The following GRXCR1 variants were observed in gnomAD, a reference collection of about 807,000 sequenced individuals.
GRXCR1 encodes the protein glutaredoxin and cysteine rich domain containing 1, also known as glutaredoxin domain-containing cysteine-rich protein 1.
Under a neutral mutation model 27.3 loss-of-function variants are expected in GRXCR1, and 27 were observed. That is an observed-to-expected ratio of 0.99 (90% CI 0.73 to 1.37). The LOEUF is 1.37. Ranked by LOEUF, GRXCR1 falls within the 40% of genes most tolerant of loss-of-function variation. GRXCR1 has a pLI of 0.00. For synonymous variants in GRXCR1, 122 were observed against 131.1 expected, an observed-to-expected ratio of 0.93 and a Z score of 0.47; for missense variants, 379 against 354.4, an observed-to-expected ratio of 1.07 and a Z score of -0.56.
rs1480966996 is a variant in GRXCR1 at position 42,893,004 on chromosome 4, C to A, written c.-263C>A. 2.6e-5 allele frequency among the ~76,000 whole-genome samples: 4 copies of A among 152,076 alleles called. No homozygotes were observed. Among genetic ancestry groups the A allele is most frequent in the Admixed American group, 6.6e-5 (1 of 15,244 alleles). On this transcript the variant is annotated 5_prime_UTR_variant, in exon 1 of 4. Transcript: ENST00000399770. ...TCTTGCACTTGTCCTGTTAAAGAGTCCACCATGGCTATTTAATATTTAAAG... is the reference window on the plus strand; with the variant it reads ...TCTTGCACTTGTCCTGTTAAAGAGTACACCATGGCTATTTAATATTTAAAG...
chr4:42,993,037 G>A (rs1385718365), intron 2 of GRXCR1, among the ~76,000 whole-genome samples: 2 of 151,968 alleles, frequency 1.3e-5, no homozygotes, highest in Non-Finnish European at 2.9e-5. Context: ...ATCTGAAATG[G>A]CAAATGCTGC....
chr4:43,004,303 G>A (rs1712478776), intron 2 of GRXCR1, among the ~76,000 whole-genome samples: 2 of 152,240 alleles, frequency 1.3e-5, no homozygotes, highest in Non-Finnish European at 2.9e-5. Flanking sequence ...GGATGTCCAG[G>A]CAGAAGTCTG....
At chr4:43,014,436 A>C (rs1712867207) in intron 2 of GRXCR1, among the ~76,000 whole-genome samples, 1 of 152,144 alleles carries the variant, frequency 6.6e-6, no homozygotes. Context: ...GCATCATGCT[A>C]GGTGCGGGTC....
At chr4:42,932,654 A>AGAGG (rs1747356165) in intron 1 of GRXCR1, among the ~76,000 whole-genome samples, 1 of 135,406 alleles carries the variant, frequency 7.4e-6, no homozygotes, top group Non-Finnish European at 1.6e-5. Flanking sequence ...AGAGAGAGAG[A>AGAGG]GAGAGAGAGA....
At chr4:42,917,812 A>G (rs1577904775) in intron 1 of GRXCR1, among the ~76,000 whole-genome samples, 1 of 152,058 alleles carries the variant, frequency 6.6e-6, no homozygotes, top group Admixed American at 6.6e-5. Context: ...AAATTAGACA[A>G]TTAAAGTGAG....
At chr4:42,935,752 T>A (rs916840604) in intron 1 of GRXCR1, among the ~76,000 whole-genome samples, 29 of 137,918 alleles carry the variant, frequency 2.1e-4, no homozygotes, top group African/African-American at 8.2e-4. Context: ...GATTTAAAAT[T>A]ATTTAGATTA....
chr4:42,989,787 C>T (rs930741371), intron 2 of GRXCR1, among the ~76,000 whole-genome samples: 6 of 152,156 alleles, frequency 3.9e-5, no homozygotes, highest in Admixed American at 6.5e-5. Flanking sequence ...TTTCTTCTTT[C>T]TCTTAGAAAA....
chr4:42,907,764 G>T (rs577508872), intron 1 of GRXCR1, among the ~76,000 whole-genome samples: 1 of 152,150 alleles, frequency 6.6e-6, no homozygotes, highest in East Asian at 1.9e-4. Flanking sequence ...AAAGTGACTA[G>T]ATGTCAGCTA....
chr4:42,987,168 TGCTTTGAAAAATGAGTATGATTTC>T (rs1711754029), intron 2 of GRXCR1, among the ~76,000 whole-genome samples: 2 of 144,348 alleles, frequency 1.4e-5, no homozygotes, highest in Non-Finnish European at 3.0e-5. Context: ...CTTTGAACTG[TGCTTTGAAAAATGAGTATGATTTC>T]ATAGTTTTCA....
chr4:42,989,255 C>T (rs1330374762), intron 2 of GRXCR1, among the ~76,000 whole-genome samples: 1 of 152,160 alleles, frequency 6.6e-6, no homozygotes, highest in Non-Finnish European at 1.5e-5. Context: ...TGAGGCCTCT[C>T]TTCTTGACTT....
intron 1 of GRXCR1, among the ~76,000 whole-genome samples, chr4:42,956,458 T>A (rs113756939): frequency 1.3e-5 from 2 of 152,068 alleles, no homozygotes; most frequent in African/African-American, 4.8e-5. Context: ...GAGGATTTTT[T>A]TTTTTTTTGC....
At chr4:42,958,976 G>A (rs1051562810) in intron 1 of GRXCR1, among the ~76,000 whole-genome samples, 4 of 151,880 alleles carry the variant, frequency 2.6e-5, no homozygotes, top group African/African-American at 9.7e-5. Context: ...TTGGTGGGAA[G>A]TAGATTACTG....
At chr4:42,958,098 C>T (rs947379136) in intron 1 of GRXCR1, among the ~76,000 whole-genome samples, 7 of 151,972 alleles carry the variant, frequency 4.6e-5, no homozygotes, top group Non-Finnish European at 1.0e-4. Flanking sequence ...GAATTGAATG[C>T]TGTGATCTAA....
chr4:42,909,577 C>G (rs1013373827), intron 1 of GRXCR1, among the ~76,000 whole-genome samples: 5 of 152,090 alleles, frequency 3.3e-5, no homozygotes, highest in Non-Finnish European at 7.4e-5. Flanking sequence ...TCTGGTTAGC[C>G]AATTTTTAGG....
intron 1 of GRXCR1, among the ~76,000 whole-genome samples, chr4:42,943,112 G>C (rs1747661622): frequency 6.6e-6 from 1 of 152,048 alleles, no homozygotes; most frequent in South Asian, 2.1e-4. Context: ...CCACATCATA[G>C]CTATGTGAAC....
rs569249198 is a variant in GRXCR1, at chr4:43,013,336, T to C, written c.628-7018T>C. Among the ~76,000 whole-genome samples, 5 of 152,314 alleles carry C rather than the reference T, an allele frequency of 3.3e-5. No individual in the cohort carries two copies. The East Asian group carries it at 9.7e-4, about 29-fold the overall frequency. ...AAAATCATGTCCCTTCTTAGCAACA[T>C]AGATGCTGCTGAGGGCCATTATCAT... On this transcript the variant is annotated intron_variant, in intron 2 of 3. Transcript: ENST00000399770.
intron 1 of GRXCR1, among the ~76,000 whole-genome samples, chr4:42,920,640 A>G (rs535630740): frequency 4.6e-5 from 7 of 152,210 alleles, no homozygotes; most frequent in African/African-American, 1.7e-4. Flanking sequence ...TCTTATCAAG[A>G]TGGATAACTC....
chr4:43,015,539 A>G (rs1309777557), intron 2 of GRXCR1, among the ~76,000 whole-genome samples: 1 of 152,108 alleles, frequency 6.6e-6, no homozygotes, highest in East Asian at 1.9e-4. Flanking sequence ...TATGCAAGAT[A>G]TTGTTATATT....
chr4:42,997,517 T>C (rs1712206839), intron 2 of GRXCR1, among the ~76,000 whole-genome samples: 1 of 152,198 alleles, frequency 6.6e-6, no homozygotes, highest in Non-Finnish European at 1.5e-5. Context: ...GAGAGACTGC[T>C]CCTCCAGGGT....
Sources: gnomAD v4.1 joint callset for allele counts (sites outside exome capture counted in the v4.1 genomes callset) on GRCh38, gnomAD v4.1.1 for gene constraint, MANE v1.5 for transcripts, NCBI Gene and HGNC (gene_info 2026-07-23, HGNC 2026-07-21) for gene names.